The following HIP1 variants were observed in gnomAD, a reference collection of about 807,000 sequenced individuals.
HIP1 encodes huntingtin interacting protein 1, also known as huntingtin-interacting protein 1.
A neutral mutation model predicts 147.6 loss-of-function variants in HIP1; 65 were observed. The observed-to-expected ratio is 0.44, with a 90% CI of 0.36 to 0.54. The LOEUF (loss-of-function observed/expected upper bound fraction) is 0.54, where lower values mean the gene tolerates loss of function less well. Among genes scored for constraint, HIP1 ranks in the 20% least tolerant of loss-of-function variants. The pLI, the probability that HIP1 is intolerant of heterozygous loss-of-function variation, is 0.00. For missense variants in HIP1, 1,061 were observed against 1,299.6 expected (o/e 0.82, Z 2.82); for synonymous variants, 479 against 504.0 (o/e 0.95, Z 0.67).
At chr7:75,590,836 G>A (rs1179453386) in intron 4 of HIP1, among the ~76,000 whole-genome samples, 2 of 152,154 alleles carry the variant, frequency 1.3e-5, no homozygotes, top group African/African-American at 4.8e-5. Context: ...CTTTGTTCTG[G>A]TACCTAATTT....
intron 1 of HIP1, among the ~76,000 whole-genome samples, chr7:75,653,361 A>T (rs1799051266): frequency 6.6e-6 from 1 of 152,138 alleles, no homozygotes; most frequent in South Asian, 2.1e-4. Context: ...CTATTAATAA[A>T]ATAGGTATAG....
At chr7:75,593,184 G>C (rs146552805) in intron 2 of HIP1, among the ~76,000 whole-genome samples, 1 of 152,136 alleles carries the variant, frequency 6.6e-6, no homozygotes, top group Non-Finnish European at 1.5e-5. Flanking sequence ...GCCCAGGCTG[G>C]TCTCAAGCTC....
chr7:75,734,470 T>G (rs1024817601), intron 1 of HIP1, among the ~76,000 whole-genome samples: 4 of 151,928 alleles, frequency 2.6e-5, no homozygotes, highest in African/African-American at 9.7e-5. Flanking sequence ...AAAGTAATTA[T>G]TAATATATCC....
At chr7:75,679,993 T>C (rs1444079205) in intron 1 of HIP1, among the ~76,000 whole-genome samples, 1 of 152,142 alleles carries the variant, frequency 6.6e-6, no homozygotes, top group Non-Finnish European at 1.5e-5. Flanking sequence ...CCCTCTCACA[T>C]CTCCTCAATG....
At chr7:75,597,486 T>C (rs1554502153) in intron 2 of HIP1, among the ~76,000 whole-genome samples, 3 of 152,174 alleles carry the variant, frequency 2.0e-5, no homozygotes, top group Non-Finnish European at 4.4e-5. Flanking sequence ...ATGCCTGTAA[T>C]TCCAGCACTT....
chr7:75,594,448 C>T (rs1442708389), intron 2 of HIP1, among the ~76,000 whole-genome samples: 4 of 152,028 alleles, frequency 2.6e-5, no homozygotes, highest in Non-Finnish European at 5.9e-5. Context: ...AACACACCCA[C>T]CCTCTGCAGA....
At chr7:75,550,247 G>T (rs12532457) in intron 22 of HIP1, among the ~76,000 whole-genome samples, 1 of 152,058 alleles carries the variant, frequency 6.6e-6, no homozygotes, top group South Asian at 2.1e-4. Context: ...GAATAAAGAC[G>T]CATGTTATCC....
At chr7:75,732,663 G>A (rs1274967713) in intron 1 of HIP1, among the ~76,000 whole-genome samples, 1 of 152,182 alleles carries the variant, frequency 6.6e-6, no homozygotes, top group East Asian at 1.9e-4. Context: ...TGATAAACAT[G>A]AGCCACTGCG....
At chr7:75,557,590 A>G in intron 16 of HIP1, 64 bp downstream of exon 16, 1 of 1,222,230 alleles carries the variant, frequency 8.2e-7, no homozygotes, top group Non-Finnish European at 1.2e-6. Flanking sequence ...GAAGGCCACA[A>G]AGCCCCCGCC....
chr7:75,571,233 C>G (rs587613350), intron 8 of HIP1, among the ~76,000 whole-genome samples: 2 of 152,142 alleles, frequency 1.3e-5, no homozygotes, highest in African/African-American at 4.8e-5. Flanking sequence ...AGCTTAACTC[C>G]CCATTTTACA....
intron 1 of HIP1, among the ~76,000 whole-genome samples, chr7:75,670,913 C>T (rs4728125): frequency 0.57 from 85,499 of 151,290 alleles, 24,644 homozygotes; most frequent in African/African-American, 0.66. Flanking sequence ...TGAGCCACCG[C>T]GCCCGGTCTC....
chr7:75,687,295 T>C (rs373535140), intron 1 of HIP1, among the ~76,000 whole-genome samples: 44 of 152,292 alleles, frequency 2.9e-4, no homozygotes, highest in African/African-American at 9.6e-4. Context: ...CCCCAGTACC[T>C]TTCTCATGTC....
intron 1 of HIP1, among the ~76,000 whole-genome samples, chr7:75,714,719 C>T (rs1801265035): frequency 6.6e-6 from 1 of 152,130 alleles, no homozygotes; most frequent in South Asian, 2.1e-4. Context: ...TCCCAAAGTG[C>T]TGGGATTACA....
At chr7:75,717,737 G>A (rs1281359228) in intron 1 of HIP1, among the ~76,000 whole-genome samples, 3 of 150,438 alleles carry the variant, frequency 2.0e-5, no homozygotes, top group East Asian at 2.0e-4. Context: ...TTGGGAGGCC[G>A]AGGTGGGCAG....
At chr7:75,732,225 C>T (rs1801858162) in intron 1 of HIP1, among the ~76,000 whole-genome samples, 1 of 152,138 alleles carries the variant, frequency 6.6e-6, no homozygotes, top group Non-Finnish European at 1.5e-5. Context: ...CCAGCATGTT[C>T]CTGGTACCCA....
In HIP1 at chr7:75,582,158, G is replaced by T; in HGVS notation, c.466-7C>A. ...TGCCTGGGAACCTGGGATTCTGGAA[G>T]GGAGGCAGAGGAAGGGAGTCAGGGC... On this transcript the variant is annotated splice_polypyrimidine_tract_variant and splice_region_variant and intron_variant, in intron 5 of 30. Transcript: ENST00000336926. The T allele has an allele frequency of 2.5e-6, 4 of 1,611,888 alleles. No homozygotes were observed. The highest frequency in any genetic ancestry group is 3.4e-6 in the Non-Finnish European group (4 of 1,178,186).
intron 1 of HIP1, among the ~76,000 whole-genome samples, chr7:75,669,947 C>T (rs1799684417): frequency 6.6e-6 from 1 of 152,046 alleles, no homozygotes; most frequent in African/African-American, 2.4e-5. Context: ...ACTACAGGTG[C>T]TCACCATGAT....
At chr7:75,589,448 G>A (rs1488694397) in intron 4 of HIP1, among the ~76,000 whole-genome samples, 1 of 151,966 alleles carries the variant, frequency 6.6e-6, no homozygotes, top group Admixed American at 6.6e-5. Context: ...ACTTTGGGAG[G>A]CCGAGGAGGG....
chr7:75,679,661 C>T (rs1454500878), intron 1 of HIP1, among the ~76,000 whole-genome samples: 3 of 98,000 alleles, frequency 3.1e-5, no homozygotes, highest in African/African-American at 1.3e-4. Flanking sequence ...TGGTTTCCCT[C>T]CTTTCTCTAT....
Sources: gnomAD v4.1 joint callset for allele counts (sites outside exome capture counted in the v4.1 genomes callset) on GRCh38, gnomAD v4.1.1 for gene constraint, MANE v1.5 for transcripts, NCBI Gene and HGNC (gene_info 2026-07-23, HGNC 2026-07-21) for gene names.